Variants in DCC observed in about 807,000 individuals in gnomAD.
The protein encoded by DCC is netrin receptor DCC.
DCC carries 58 observed loss-of-function variants against 172.5 expected under a neutral mutation model. The ratio of observed to expected loss-of-function variants is 0.34; its 90% confidence interval spans 0.27 to 0.42. The LOEUF (loss-of-function observed/expected upper bound fraction) is 0.42. Among genes scored for constraint, DCC ranks in the 10% least tolerant of loss-of-function variants. The pLI is 1.00. For missense variants in DCC, 1,740 were observed against 1,791.0 expected (o/e 0.97, Z 0.51); for synonymous variants, 709 against 644.5 (o/e 1.10, Z -1.52).
intron 2 of DCC, among the ~76,000 whole-genome samples, chr18:52,899,589 A>G (rs1403302141): frequency 2.6e-5 from 4 of 151,790 alleles, no homozygotes; most frequent in Non-Finnish European, 5.9e-5. Context: ...TCCGGAACTC[A>G]GGTGATCCGC....
At chr18:52,362,408 C>T (rs557405169) in intron 1 of DCC, among the ~76,000 whole-genome samples, 9 of 152,174 alleles carry the variant, frequency 5.9e-5, no homozygotes, top group South Asian at 4.1e-4. Flanking sequence ...TTATGCTCTA[C>T]GACCACCAGC....
intron 28 of DCC, among the ~76,000 whole-genome samples, chr18:53,530,135 A>G (rs1485066085): frequency 1.3e-5 from 2 of 152,234 alleles, no homozygotes; most frequent in African/African-American, 2.4e-5. Context: ...TGTATTGAAT[A>G]TCTACCATAT....
At chr18:53,084,890 C>G (rs1483403608) in intron 7 of DCC, among the ~76,000 whole-genome samples, 2 of 152,140 alleles carry the variant, frequency 1.3e-5, no homozygotes, top group African/African-American at 2.4e-5. Flanking sequence ...TTGGAAAATT[C>G]TTACAGAAAT....
chr18:53,058,706 T>C (rs1230674584), intron 5 of DCC, among the ~76,000 whole-genome samples: 1 of 152,170 alleles, frequency 6.6e-6, no homozygotes, highest in African/African-American at 2.4e-5. Flanking sequence ...CAGTTACATA[T>C]TGATTTCATG....
rs142693331 is a variant in DCC at position 53,222,542 on chromosome 18, G to C, written c.1911+6945G>C. On this transcript the variant is annotated intron_variant, in intron 12 of 28. Transcript: ENST00000442544. ...TGGGACTACAGGCGTGTGCCACCAT[G>C]CCTGGCTAATTTTTTACTTTTTTTT... Among the ~76,000 whole-genome samples the C allele has an allele frequency of 5.6e-3, 845 of 151,232 alleles. 6 individuals are homozygous for C. The highest frequency in any genetic ancestry group is 0.023 in the Admixed American group (350 of 14,910).
intron 2 of DCC, among the ~76,000 whole-genome samples, chr18:52,865,286 G>A (rs1396177911): frequency 1.3e-5 from 2 of 152,128 alleles, no homozygotes; most frequent in Non-Finnish European, 2.9e-5. Context: ...TGTGAATAGT[G>A]CCACAATAAA....
chr18:52,879,265 T>G (rs1260087140), intron 2 of DCC, among the ~76,000 whole-genome samples: 3 of 152,122 alleles, frequency 2.0e-5, no homozygotes, highest in African/African-American at 7.2e-5. Context: ...AAGTGCCCCC[T>G]GGGGCTGTGT....
chr18:52,963,357 T>A (rs2040875593), intron 5 of DCC, among the ~76,000 whole-genome samples: 1 of 151,948 alleles, frequency 6.6e-6, no homozygotes. Context: ...TGATATTAAA[T>A]TGATATATAA....
At chr18:53,106,287 G>T (rs1395256019) in intron 7 of DCC, among the ~76,000 whole-genome samples, 1 of 151,928 alleles carries the variant, frequency 6.6e-6, no homozygotes, top group Non-Finnish European at 1.5e-5. Context: ...ATGCAGAGTG[G>T]AATGTCCTGT....
intron 21 of DCC, among the ~76,000 whole-genome samples, chr18:53,429,767 G>A (rs1911488078): frequency 6.6e-6 from 1 of 152,088 alleles, no homozygotes; most frequent in Non-Finnish European, 1.5e-5. Flanking sequence ...TAGAGCACCA[G>A]GGCTCAATAT....
chr18:53,232,225 A>T (rs2056133047), intron 12 of DCC, among the ~76,000 whole-genome samples: 1 of 152,106 alleles, frequency 6.6e-6, no homozygotes, highest in Non-Finnish European at 1.5e-5. Context: ...TTCTCCAAGT[A>T]AAATATTCTT....
chr18:52,469,085 T>C (rs191276547), intron 1 of DCC, among the ~76,000 whole-genome samples: 9 of 152,040 alleles, frequency 5.9e-5, no homozygotes, highest in African/African-American at 2.2e-4. Context: ...AGAGACAGAG[T>C]CTTGCGCTGT....
chr18:52,922,570 G>C (rs2040142855), intron 3 of DCC, among the ~76,000 whole-genome samples: 1 of 152,074 alleles, frequency 6.6e-6, no homozygotes. Context: ...ACAGATTATT[G>C]GCTAATCCCA....
intron 5 of DCC, among the ~76,000 whole-genome samples, chr18:53,021,529 G>T (rs1250923189): frequency 1.3e-5 from 2 of 148,180 alleles, no homozygotes; most frequent in Admixed American, 1.4e-4. Context: ...ACTGAACAGA[G>T]AATTGCTATT....
At chr18:52,686,229 T>A (rs572828708) in intron 1 of DCC, among the ~76,000 whole-genome samples, 15 of 151,508 alleles carry the variant, frequency 9.9e-5, no homozygotes, top group Admixed American at 8.5e-4. Context: ...ACTTAACACT[T>A]ACTCCTGTTA....
intron 8 of DCC, among the ~76,000 whole-genome samples, chr18:53,164,099 T>C (rs555238012): frequency 2.0e-5 from 3 of 152,326 alleles, no homozygotes; most frequent in African/African-American, 7.2e-5. Context: ...TGGATTAACC[T>C]GCAAGAGAAC....
intron 2 of DCC, among the ~76,000 whole-genome samples, chr18:52,900,140 G>T (rs897600655): frequency 6.6e-6 from 1 of 152,178 alleles, no homozygotes. Flanking sequence ...GAGGAAGTGA[G>T]AATTCTGTTA....
intron 23 of DCC, among the ~76,000 whole-genome samples, chr18:53,452,743 T>C (rs939725996): frequency 5.3e-5 from 8 of 152,232 alleles, no homozygotes; most frequent in Non-Finnish European, 1.2e-4. Flanking sequence ...CAAAGTCTTT[T>C]AATAGTTACT....
At chr18:53,110,003 CG>C (rs1650275610) in intron 7 of DCC, among the ~76,000 whole-genome samples, 1 of 151,062 alleles carries the variant, frequency 6.6e-6, no homozygotes, top group Admixed American at 6.6e-5. Context: ...AAAATGATGA[CG>C]TATTTAACAA....
Sources: gnomAD v4.1 joint callset for allele counts (sites outside exome capture counted in the v4.1 genomes callset) on GRCh38, gnomAD v4.1.1 for gene constraint, MANE v1.5 for transcripts, NCBI Gene and HGNC (gene_info 2026-07-23, HGNC 2026-07-21) for gene names.